DPY19L2: variants seen among roughly 807,000 people sequenced by gnomAD.
DPY19L2 encodes probable C-mannosyltransferase DPY19L2.
DPY19L2 carries 34 observed loss-of-function variants against 97.9 expected under a neutral mutation model. The ratio of observed to expected loss-of-function variants is 0.35; its 90% CI spans 0.26 to 0.46. The LOEUF is 0.46. Among genes scored for constraint, DPY19L2 ranks in the 20% least tolerant of loss-of-function variants. The pLI is 1.00. For synonymous variants in DPY19L2, 230 were observed against 307.9 expected, an observed-to-expected ratio of 0.75 and a Z score of 2.65; for missense variants, 623 against 911.4, an observed-to-expected ratio of 0.68 and a Z score of 4.07.
intron 16 of DPY19L2, among the ~76,000 whole-genome samples, chr12:63,585,438 GT>G (rs879262655): frequency 6.6e-6 from 1 of 151,544 alleles, no homozygotes; most frequent in Non-Finnish European, 1.5e-5. Context: ...GTATGCAGTA[GT>G]TTTTTTTTAA....
chr12:63,569,376 G>T (rs1190730383), intron 20 of DPY19L2, 27 bp from the exon 21 acceptor site: 2 of 1,500,536 alleles, frequency 1.3e-6, no homozygotes, highest in Admixed American at 2.1e-5. Context: ...TAATTTAAAA[G>T]ATTTTAAAAT....
rs184413562 is a variant in DPY19L2, at chr12:63,648,054, C to A, written c.589-689G>T. Among the ~76,000 whole-genome samples the A allele has an allele frequency of 9.3e-4, 141 of 152,234 alleles. 1 individual carries two copies. Among genetic ancestry groups the A allele is most frequent in the African/African-American group, 2.4e-5 (1 of 41,544 alleles). On this transcript the variant is annotated intron_variant, in intron 4 of 21. Transcript: ENST00000324472. ...GTGATTAGACCATGAAGACTCCCCC[C>A]TCATGAGTGAGATTAAAGCTATCTT... is the stretch of plus-strand genomic sequence containing the variant.
chr12:63,633,412 C>A (rs1451033280), intron 6 of DPY19L2, among the ~76,000 whole-genome samples: 2 of 152,152 alleles, frequency 1.3e-5, no homozygotes, highest in East Asian at 3.8e-4. Context: ...AGGACATGAA[C>A]AGACACTTCT....
chr12:63,606,195 T>C (rs1029010789), intron 12 of DPY19L2, among the ~76,000 whole-genome samples: 2 of 152,126 alleles, frequency 1.3e-5, no homozygotes, highest in Non-Finnish European at 2.9e-5. Flanking sequence ...TTATTCTTTC[T>C]AGGTAAATAT....
intron 21 of DPY19L2, among the ~76,000 whole-genome samples, chr12:63,564,659 T>G (rs1282102598): frequency 6.6e-6 from 1 of 152,150 alleles, no homozygotes; most frequent in Non-Finnish European, 1.5e-5. Flanking sequence ...AAATGGTCTT[T>G]TTTGATAAAT....
intron 4 of DPY19L2, among the ~76,000 whole-genome samples, 194 bp from the exon 5 acceptor site, chr12:63,647,559 C>A (rs371442532): frequency 6.6e-6 from 1 of 152,078 alleles, no homozygotes; most frequent in Admixed American, 6.6e-5. Context: ...ACAAACACTG[C>A]GTGTTTTGAT....
intron 5 of DPY19L2, among the ~76,000 whole-genome samples, chr12:63,645,270 C>T (rs1893256725): frequency 6.6e-6 from 1 of 152,140 alleles, no homozygotes; most frequent in Admixed American, 6.5e-5. Flanking sequence ...GAAGGCTGGC[C>T]TTCTGATTCC....
intron 9 of DPY19L2, among the ~76,000 whole-genome samples, 157 bp from the exon 10 acceptor site, chr12:63,618,385 G>GA (rs1279387545): frequency 6.6e-6 from 1 of 151,306 alleles, no homozygotes; most frequent in Admixed American, 6.6e-5. Flanking sequence ...GAATGGCTAG[G>GA]AAAAATATAA....
chr12:63,576,300 T>A (rs1879807382), intron 19 of DPY19L2, among the ~76,000 whole-genome samples: 1 of 151,864 alleles, frequency 6.6e-6, no homozygotes, highest in Admixed American at 6.6e-5. Context: ...TTAATCAACA[T>A]AAAGAAGCTA....
intron 21 of DPY19L2, 59 bp from the exon 22 acceptor site, chr12:63,560,721 A>AGAT: frequency 6.3e-7 from 1 of 1,585,854 alleles, no homozygotes; most frequent in South Asian, 1.1e-5. Flanking sequence ...TAGAGACAAT[A>AGAT]GATACATAAC....
chr12:63,646,612 G>T (rs913020379), intron 5 of DPY19L2, among the ~76,000 whole-genome samples: 1 of 152,150 alleles, frequency 6.6e-6, no homozygotes, highest in Non-Finnish European at 1.5e-5. Flanking sequence ...AAGTGGCTCT[G>T]AATGAGAGTC....
chr12:63,645,264 G>A (rs1324188569), intron 5 of DPY19L2, among the ~76,000 whole-genome samples: 1 of 152,124 alleles, frequency 6.6e-6, no homozygotes, highest in Admixed American at 6.5e-5. Flanking sequence ...AGGTCTGAAG[G>A]CTGGCCTTCT....
chr12:63,642,421 A>G (rs532011951), intron 6 of DPY19L2, among the ~76,000 whole-genome samples: 13 of 152,134 alleles, frequency 8.5e-5, no homozygotes, highest in Admixed American at 5.9e-4. Flanking sequence ...GACTTTTTCT[A>G]TATTATACGC....
chr12:63,658,024 G>A (rs1305668911), intron 4 of DPY19L2, among the ~76,000 whole-genome samples: 1 of 152,104 alleles, frequency 6.6e-6, no homozygotes, highest in Non-Finnish European at 1.5e-5. Context: ...TCAAGAAAAG[G>A]TGTTATATTG....
chr12:63,586,700 T>C (rs1253486199), intron 16 of DPY19L2, among the ~76,000 whole-genome samples: 2 of 152,188 alleles, frequency 1.3e-5, no homozygotes, highest in Non-Finnish European at 2.9e-5. Flanking sequence ...GGTAAGAAGC[T>C]TAAAATACTG....
chr12:63,570,635 A>C (rs1212107718), intron 20 of DPY19L2, 123 bp downstream of exon 20: 33 of 996,158 alleles, frequency 3.3e-5, no homozygotes, highest in Non-Finnish European at 4.3e-5. Context: ...CAGTATGAAA[A>C]TGAGGATGAG....
At chr12:63,579,704 A>G (rs1159082256) in intron 19 of DPY19L2, among the ~76,000 whole-genome samples, 16 of 152,140 alleles carry the variant, frequency 1.1e-4, no homozygotes, top group Non-Finnish European at 2.2e-4. Context: ...CTATGTGGAA[A>G]AAGTCAGTTG....
At chr12:63,594,562 T>C (rs995948892) in intron 15 of DPY19L2, among the ~76,000 whole-genome samples, 1 of 142,070 alleles carries the variant, frequency 7.0e-6, no homozygotes, top group African/African-American at 2.8e-5. Flanking sequence ...GAAACCTGGC[T>C]AGCTGTAGGG....
intron 17 of DPY19L2, among the ~76,000 whole-genome samples, chr12:63,583,308 T>G (rs1881257915): frequency 6.6e-6 from 1 of 152,208 alleles, no homozygotes; most frequent in Admixed American, 6.5e-5. Context: ...ACACTGATCT[T>G]TTCCTTTTTA....
Sources: gnomAD v4.1 joint callset for allele counts (sites outside exome capture counted in the v4.1 genomes callset) on GRCh38, gnomAD v4.1.1 for gene constraint, MANE v1.5 for transcripts, NCBI Gene and HGNC (gene_info 2026-07-23, HGNC 2026-07-21) for gene names.